Variants in NDUFAF2 observed in about 807,000 individuals in gnomAD.
NDUFAF2 encodes the protein NADH:ubiquinone oxidoreductase complex assembly factor 2.
Under a neutral mutation model 22.8 loss-of-function variants are expected in NDUFAF2, and 13 were observed. The ratio of observed to expected loss-of-function variants is 0.57; its 90% confidence interval spans 0.37 to 0.91. The LOEUF is 0.91. NDUFAF2 is among the 40% of genes least tolerant of loss of function. The probability of loss-of-function intolerance (pLI) is 0.01; values close to 1 mark genes in which losing one functional copy is unlikely to be tolerated. For missense variants in NDUFAF2, 162 were observed against 195.2 expected, an observed-to-expected ratio of 0.83 and a Z score of 1.01; for synonymous variants, 53 against 64.2, an observed-to-expected ratio of 0.83 and a Z score of 0.84.
At chr5:61,024,642 A>G (rs1751627517) in intron 1 of NDUFAF2, among the ~76,000 whole-genome samples, 2 of 152,226 alleles carry the variant, frequency 1.3e-5, no homozygotes, top group South Asian at 2.1e-4. Flanking sequence ...GCAGAGCTCT[A>G]TTTAAAGTAA....
chr5:61,136,005 TTATATATATATATATATATATA>T lies in NDUFAF2; in HGVS notation c.259-16683_259-16662del, dbSNP rs57756292. Among the ~76,000 whole-genome samples, 24 of 96,026 alleles carry T rather than the reference TTATATATATATATATATATATA, an allele frequency of 2.5e-4. 1 individual carries two copies. The South Asian group carries it at 2.5e-3, about 10-fold the overall frequency. The allele number at this position is 96,026 out of a possible 152,430, so 63.0% of individuals were successfully genotyped here. Reference sequence around the variant, plus strand: ...TTGGTCCCTACATCTAAGCCTGTCTTTATATATATATATATATATATATATATATATATATATCTAGGGTGGA... The same window carrying T: ...TTGGTCCCTACATCTAAGCCTGTCTTTATATATATATATATCTAGGGTGGA... On this transcript the variant is annotated intron_variant, in intron 3 of 3. Coordinates refer to ENST00000296597, the MANE Select transcript of NDUFAF2 (RefSeq NM_174889.5).
intron 3 of NDUFAF2, among the ~76,000 whole-genome samples, chr5:61,148,942 A>AG (rs1388169133): frequency 1.3e-5 from 2 of 152,182 alleles, no homozygotes; most frequent in African/African-American, 4.8e-5. Context: ...GGGGAACAAA[A>AG]GGAAGATACT....
At chr5:61,040,287 C>T (rs1382568646) in intron 1 of NDUFAF2, among the ~76,000 whole-genome samples, 3 of 58,186 alleles carry the variant, frequency 5.2e-5, no homozygotes, top group African/African-American at 2.9e-4. Flanking sequence ...CACACACACA[C>T]GCGCGCGCGC....
intron 1 of NDUFAF2, among the ~76,000 whole-genome samples, chr5:61,021,773 T>C (rs1206052850): frequency 1.3e-5 from 2 of 152,218 alleles, no homozygotes; most frequent in East Asian, 3.8e-4. Context: ...TTGTGTTGTT[T>C]AGCATTTTAG....
In NDUFAF2 at chr5:61,034,197, A is replaced by C. The variant is rs187467231; in HGVS notation, c.128-38928A>C. On this transcript the variant is annotated intron_variant, in intron 1 of 3. Coordinates refer to ENST00000296597, the MANE Select transcript of NDUFAF2 (RefSeq NM_174889.5). ...GATCTTTTTGTAAACAAATATGGGC[A>C]ATATACCTGTTAGCAATCTTGATGA... Among the ~76,000 whole-genome samples the C allele has an allele frequency of 1.6e-3, 245 of 152,304 alleles. 1 individual carries two copies. Among genetic ancestry groups the C allele is most frequent in the Admixed American group, 4.6e-3 (71 of 15,282 alleles).
chr5:61,046,795 A>G (rs1258245283), intron 1 of NDUFAF2, among the ~76,000 whole-genome samples: 2 of 152,190 alleles, frequency 1.3e-5, no homozygotes, highest in African/African-American at 2.4e-5. Context: ...TGTGGATCCA[A>G]GCTGGGCTAC....
At chr5:61,040,286 A>ACACACACG (rs1491193758) in intron 1 of NDUFAF2, among the ~76,000 whole-genome samples, 5,765 of 92,554 alleles carry the variant, frequency 0.062, 129 homozygotes, top group Non-Finnish European at 0.075. Flanking sequence ...ACACACACAC[A>ACACACACG]CGCGCGCGCG....
chr5:61,112,487 C>T (rs1278846694), intron 3 of NDUFAF2, among the ~76,000 whole-genome samples: 1 of 152,206 alleles, frequency 6.6e-6, no homozygotes, highest in Admixed American at 6.5e-5. Context: ...GCTGGGATTA[C>T]AGGCATGAGC....
intron 1 of NDUFAF2, among the ~76,000 whole-genome samples, chr5:61,025,539 T>C (rs1303119033): frequency 1.3e-5 from 2 of 152,056 alleles, no homozygotes; most frequent in Non-Finnish European, 2.9e-5. Context: ...GCAGTTCTAT[T>C]TAGCTATTTA....
chr5:60,980,746 T>C (rs1034603861), intron 1 of NDUFAF2, among the ~76,000 whole-genome samples: 2 of 151,994 alleles, frequency 1.3e-5, no homozygotes, highest in East Asian at 3.9e-4. Context: ...GCACTCAAAA[T>C]ATTTTTTGAA....
At chr5:61,094,794 A>G (rs183828966) in intron 2 of NDUFAF2, among the ~76,000 whole-genome samples, 4 of 152,318 alleles carry the variant, frequency 2.6e-5, no homozygotes, top group East Asian at 1.9e-4. Context: ...GACATCACCA[A>G]TGAAGGCTGC....
chr5:60,993,987 C>T (rs1431329367), intron 1 of NDUFAF2, among the ~76,000 whole-genome samples: 1 of 152,238 alleles, frequency 6.6e-6, no homozygotes, highest in Non-Finnish European at 1.5e-5. Context: ...GACCTGCTCC[C>T]TTCTGCCCAG....
chr5:60,972,523 T>A (rs923278789), intron 1 of NDUFAF2, among the ~76,000 whole-genome samples: 10 of 152,140 alleles, frequency 6.6e-5, no homozygotes, highest in African/African-American at 2.4e-4. Context: ...GATTATATCT[T>A]TTCTGAGGCC....
chr5:60,991,433 A>G (rs1561536471), intron 1 of NDUFAF2, among the ~76,000 whole-genome samples: 1 of 152,132 alleles, frequency 6.6e-6, no homozygotes, highest in African/African-American at 2.4e-5. Context: ...TTTTGTACCT[A>G]TTAACTATCC....
intron 3 of NDUFAF2, among the ~76,000 whole-genome samples, chr5:61,147,820 G>A (rs1011094184): frequency 3.9e-5 from 6 of 151,948 alleles, no homozygotes; most frequent in Admixed American, 6.6e-5. Flanking sequence ...CTGTACTCTC[G>A]TGCCAGTTTA....
At chr5:61,069,417 C>T (rs1752268449) in intron 1 of NDUFAF2, among the ~76,000 whole-genome samples, 5 of 152,084 alleles carry the variant, frequency 3.3e-5, no homozygotes, top group Admixed American at 3.3e-4. Flanking sequence ...TTAGATGACA[C>T]AAAGACAACC....
intron 1 of NDUFAF2, among the ~76,000 whole-genome samples, chr5:61,000,982 C>T (rs1192156942): frequency 1.3e-5 from 2 of 152,060 alleles, no homozygotes; most frequent in Non-Finnish European, 2.9e-5. Context: ...GATTTCTGCT[C>T]CACTTCTTTC....
chr5:61,074,198 T>A (rs185423418), intron 2 of NDUFAF2, among the ~76,000 whole-genome samples: 34 of 152,298 alleles, frequency 2.2e-4, no homozygotes, highest in Middle Eastern at 3.4e-3. Flanking sequence ...ACGCCTGTAA[T>A]CCCAGCACTT....
intron 1 of NDUFAF2, among the ~76,000 whole-genome samples, chr5:61,017,525 G>A (rs1184991808): frequency 8.1e-6 from 1 of 123,182 alleles, no homozygotes; most frequent in Non-Finnish European, 1.8e-5. Flanking sequence ...GTTTTCAGTG[G>A]TGTGGTGGAG....
Sources: allele counts gnomAD v4.1 joint callset (sites outside exome capture counted in the v4.1 genomes callset), GRCh38; gene constraint gnomAD v4.1.1; transcripts MANE v1.5; gene names NCBI Gene and HGNC (gene_info 2026-07-23, HGNC 2026-07-21).